Variants in CD9 observed in about 807,000 individuals in gnomAD.
The protein encoded by CD9 is CD9 molecule, also known as CD9 antigen.
Under a neutral mutation model 31.4 loss-of-function variants are expected in CD9, and 10 were observed. The ratio of observed to expected loss-of-function variants is 0.32; its 90% CI spans 0.20 to 0.54. The LOEUF (loss-of-function observed/expected upper bound fraction) is 0.54. Among genes scored for constraint, CD9 ranks in the 20% least tolerant of loss-of-function variants. The pLI is 0.94. For missense variants in CD9, 259 were observed against 300.1 expected, an observed-to-expected ratio of 0.86 and a Z score of 1.01; for synonymous variants, 113 against 114.1, an observed-to-expected ratio of 0.99 and a Z score of 0.06.
intron 6 of CD9, 168 bp from the exon 7 acceptor site, chr12:6,236,024 T>C: frequency 7.0e-7 from 1 of 1,437,404 alleles, no homozygotes; most frequent in South Asian, 1.5e-5. Context: ...CATCCCTTTG[T>C]TCCCCTTTCC....
At chr12:6,226,162 C>T (rs1168362354) in intron 2 of CD9, among the ~76,000 whole-genome samples, 9 of 152,186 alleles carry the variant, frequency 5.9e-5, no homozygotes, top group Non-Finnish European at 1.5e-5. Flanking sequence ...CTGGGATCCT[C>T]TGAACATGAA....
intron 1 of CD9, among the ~76,000 whole-genome samples, chr12:6,204,076 A>T (rs1345270385): frequency 1.3e-5 from 2 of 152,200 alleles, no homozygotes; most frequent in Non-Finnish European, 2.9e-5. Context: ...AGAGACCTGG[A>T]TGTGAGCCCA....
chr12:6,212,420 A>G (rs925834912), intron 1 of CD9, among the ~76,000 whole-genome samples: 2 of 152,180 alleles, frequency 1.3e-5, no homozygotes, highest in Non-Finnish European at 2.9e-5. Context: ...CCCACAGGGA[A>G]TGTTCTCTTG....
intron 1 of CD9, among the ~76,000 whole-genome samples, chr12:6,217,046 C>T (rs963342363): frequency 6.6e-6 from 1 of 152,242 alleles, no homozygotes; most frequent in South Asian, 2.1e-4. Context: ...CAAACGAGGA[C>T]TGTAACGTTC....
At chr12:6,212,169 G>C (rs1946200165) in intron 1 of CD9, among the ~76,000 whole-genome samples, 1 of 152,174 alleles carries the variant, frequency 6.6e-6, no homozygotes, top group African/African-American at 2.4e-5. Flanking sequence ...TCTCTGCATG[G>C]CATGTGCTGT....
chr12:6,237,176 T>C (rs1482702749), intron 7 of CD9, among the ~76,000 whole-genome samples: 3 of 152,164 alleles, frequency 2.0e-5, no homozygotes, highest in Non-Finnish European at 4.4e-5. Flanking sequence ...GGTTTCACCA[T>C]GTTGGTCAGG....
At chr12:6,236,094 C>T (rs1373494416) in intron 6 of CD9, 98 bp from the exon 7 acceptor site, 1 of 1,554,802 alleles carries the variant, frequency 6.4e-7, no homozygotes, top group Non-Finnish European at 8.7e-7. Flanking sequence ...CACCCTCTGC[C>T]CACCAGTTCT....
intron 2 of CD9, among the ~76,000 whole-genome samples, chr12:6,229,239 G>A (rs182466632): frequency 7.2e-5 from 11 of 152,158 alleles, no homozygotes; most frequent in African/African-American, 2.4e-4. Flanking sequence ...GCCAGAGGCC[G>A]TGAATGCCCC....
intron 1 of CD9, among the ~76,000 whole-genome samples, chr12:6,208,504 A>T (rs1051734198): frequency 2.0e-5 from 3 of 152,228 alleles, no homozygotes; most frequent in African/African-American, 7.2e-5. Context: ...AGGCAGTTTT[A>T]TTAATTATGA....
At chr12:6,214,303 T>C (rs1591966720) in intron 1 of CD9, among the ~76,000 whole-genome samples, 2 of 150,452 alleles carry the variant, frequency 1.3e-5, no homozygotes, top group Admixed American at 6.7e-5. Flanking sequence ...TGTGGTGTTA[T>C]TTTCCCTAAG....
chr12:6,206,851 C>T (rs935944312), intron 1 of CD9, among the ~76,000 whole-genome samples: 9 of 151,876 alleles, frequency 5.9e-5, no homozygotes, highest in Admixed American at 2.0e-4. Context: ...GGAATCAGTA[C>T]GACCTGCCTC....
intron 1 of CD9, among the ~76,000 whole-genome samples, chr12:6,202,565 C>G (rs868603466): frequency 6.6e-6 from 1 of 152,276 alleles, no homozygotes; most frequent in Non-Finnish European, 1.5e-5. Flanking sequence ...CTACCCCCAT[C>G]TGCCCCATGG....
At chr12:6,220,659 G>A (rs948936635) in intron 1 of CD9, among the ~76,000 whole-genome samples, 8 of 152,340 alleles carry the variant, frequency 5.3e-5, no homozygotes, top group Admixed American at 3.3e-4. Flanking sequence ...TAGTGGAGCA[G>A]GTTCTTGAAG....
intron 1 of CD9, among the ~76,000 whole-genome samples, chr12:6,213,348 C>G (rs772423679): frequency 6.6e-6 from 1 of 152,328 alleles, no homozygotes; most frequent in South Asian, 2.1e-4. Context: ...AATTGGAGGA[C>G]GTATCTTTCC....
At chr12:6,200,368 CT>C (rs1289173176), upstream of CD9, 1 of 578,664 alleles carries the variant, frequency 1.7e-6, no homozygotes, top group Non-Finnish European at 3.2e-6. Flanking sequence ...AGGAGTGGCA[CT>C]TTTTAAAAGT....
In CD9 at chr12:6,232,572, G is replaced by C; in HGVS notation, c.176-60G>C. 9.7e-7 allele frequency: 1 copy of C among 1,032,680 alleles called. No individual in the cohort carries two copies. 64.0% of individuals were successfully genotyped at this position (1,032,680 alleles called of 1,614,324 possible). On this transcript the variant is annotated intron_variant, in intron 2 of 7. Transcript: ENST00000009180. The surrounding 1 kb of genome is among the most constrained non-coding windows in gnomAD (Gnocchi z 4.8). ...GCAGAGGGAAACAGGAATTGCCGGA[G>C]ATGCCTGGGCCTCTGAACTGATGTC... is the stretch of plus-strand genomic sequence containing the variant.
chr12:6,223,733 A>T (rs578259390), intron 1 of CD9, among the ~76,000 whole-genome samples: 19 of 152,126 alleles, frequency 1.2e-4, no homozygotes, highest in Admixed American at 1.1e-3. Context: ...CTCCCCGCCT[A>T]AGCTAACTGC....
chr12:6,200,900 C>T (rs1946067991), intron 1 of CD9: 2 of 244,278 alleles, frequency 8.2e-6, no homozygotes, highest in Non-Finnish European at 1.6e-5. Context: ...CAGCTCAAGT[C>T]CCTCCGAGTG....
chr12:6,212,950 C>T (rs1277795327), intron 1 of CD9, among the ~76,000 whole-genome samples: 1 of 152,050 alleles, frequency 6.6e-6, no homozygotes, highest in Non-Finnish European at 1.5e-5. Flanking sequence ...GGGGAGTGGG[C>T]CAGGAGCGGG....
Sources: allele counts gnomAD v4.1 joint callset (sites outside exome capture counted in the v4.1 genomes callset), GRCh38; gene constraint gnomAD v4.1.1; non-coding constraint Gnocchi (gnomAD v3.1); transcripts MANE v1.5; gene names NCBI Gene and HGNC (gene_info 2026-07-23, HGNC 2026-07-21).